NTN1: variants seen among roughly 807,000 people sequenced by gnomAD.
The protein encoded by NTN1 is netrin-1.
NTN1 carries 11 observed loss-of-function variants against 54.2 expected under a neutral mutation model. That is an observed-to-expected ratio of 0.20 (90% CI 0.13 to 0.34). The LOEUF is 0.34. Among genes scored for constraint, NTN1 ranks in the 10% least tolerant of loss-of-function variants. The probability of loss-of-function intolerance (pLI) is 1.00; values close to 1 mark genes in which losing one functional copy is unlikely to be tolerated. For missense variants in NTN1, 740 were observed against 893.1 expected (o/e 0.83, Z 2.18); for synonymous variants, 371 against 382.0 (o/e 0.97, Z 0.33).
At chr17:9,140,434 G>T (rs1014212899) in intron 2 of NTN1, among the ~76,000 whole-genome samples, 8 of 152,210 alleles carry the variant, frequency 5.3e-5, no homozygotes, top group Admixed American at 3.9e-4. Flanking sequence ...ATAAAAAAAT[G>T]CATCTCTGAG....
At chr17:9,228,930 C>G (rs1905697719) in intron 6 of NTN1, among the ~76,000 whole-genome samples, 1 of 69,416 alleles carries the variant, frequency 1.4e-5, no homozygotes, top group Non-Finnish European at 2.7e-5. Flanking sequence ...GCGTGTGTGA[C>G]TGGGTGTGTG....
intron 5 of NTN1, among the ~76,000 whole-genome samples, chr17:9,209,008 A>C (rs888992847): frequency 2.0e-5 from 3 of 151,694 alleles, no homozygotes; most frequent in African/African-American, 7.3e-5. Context: ...TTCACCCTCC[A>C]CTCTCAGCTG....
intron 2 of NTN1, among the ~76,000 whole-genome samples, chr17:9,096,561 C>T (rs1286881721): frequency 1.3e-5 from 2 of 151,904 alleles, no homozygotes; most frequent in South Asian, 2.1e-4. Context: ...TTAGTAGAGA[C>T]GGGGTTTCAC....
chr17:9,115,834 C>T (rs2092210224), intron 2 of NTN1, among the ~76,000 whole-genome samples: 1 of 152,188 alleles, frequency 6.6e-6, no homozygotes, highest in Admixed American at 6.5e-5. Flanking sequence ...GGAGGGCTGG[C>T]GAGGCGGCAG....
intron 5 of NTN1, among the ~76,000 whole-genome samples, chr17:9,206,026 G>A (rs1370681444): frequency 6.6e-6 from 1 of 152,228 alleles, no homozygotes; most frequent in Non-Finnish European, 1.5e-5. Context: ...GGCAGCATCT[G>A]TAGGCTGGGA....
In NTN1 at chr17:9,240,140, T is replaced by C. The variant is rs1048728824; in HGVS notation, c.*172T>C. 62 of 260,176 alleles carry C rather than the reference T, an allele frequency of 2.4e-4. No homozygotes were observed. The highest frequency in any genetic ancestry group is 1.1e-3 in the African/African-American group (50 of 43,492). 16.1% of individuals were successfully genotyped at this position (260,176 alleles called of 1,614,324 possible). On this transcript the variant is annotated 3_prime_UTR_variant, in exon 7 of 7. Transcript: ENST00000173229. ...CGGGACCCTCGGCGGCCCCTCCCCC[T>C]ACCCCCACCCTGCGCGCTCTGGGCG...
At chr17:9,184,455 A>G (rs576456480) in intron 5 of NTN1, among the ~76,000 whole-genome samples, 17 of 152,214 alleles carry the variant, frequency 1.1e-4, no homozygotes, top group Non-Finnish European at 2.4e-4. Flanking sequence ...TCTAGGGGAG[A>G]GCAGTTTTGA....
chr17:9,168,236 A>T (rs2092378102), intron 3 of NTN1, among the ~76,000 whole-genome samples: 1 of 152,212 alleles, frequency 6.6e-6, no homozygotes, highest in Admixed American at 6.5e-5. Context: ...TAAATTTTTT[A>T]AATTTAAAAA....
chr17:9,206,529 C>A (rs1304659598), intron 5 of NTN1, among the ~76,000 whole-genome samples: 3 of 152,118 alleles, frequency 2.0e-5, no homozygotes, highest in African/African-American at 7.2e-5. Flanking sequence ...AGGCTTGCCC[C>A]CTCCCAGAAG....
intron 2 of NTN1, among the ~76,000 whole-genome samples, chr17:9,056,064 A>AT (rs35808249): frequency 0.33 from 48,382 of 146,814 alleles, 8,196 homozygotes; most frequent in East Asian, 0.56. Flanking sequence ...TGCCTGGCTA[A>AT]TTTTTTTTTT....
At chr17:9,007,339 TTCTTTC>T in the NTN1 span, among the ~76,000 whole-genome samples, 3 of 141,514 alleles carry the variant, frequency 2.1e-5, no homozygotes, top group Non-Finnish European at 4.8e-5. Flanking sequence ...CCTTTTTTCT[TTCTTTC>T]TCTTTCTCTC....
chr17:9,230,463 G>A (rs1905769916), intron 6 of NTN1, among the ~76,000 whole-genome samples: 1 of 147,642 alleles, frequency 6.8e-6, no homozygotes, highest in Non-Finnish European at 1.5e-5. Flanking sequence ...CCCCCCGAGT[G>A]CCAGCCCCAT....
chr17:9,016,872 C>T (rs180751076), upstream of NTN1, among the ~76,000 whole-genome samples: 2 of 152,212 alleles, frequency 1.3e-5, no homozygotes, highest in African/African-American at 4.8e-5. Flanking sequence ...TGTCTCATGG[C>T]CTTGCTGGCT....
chr17:9,130,295 C>T (rs1282106302), intron 2 of NTN1, among the ~76,000 whole-genome samples: 1 of 152,136 alleles, frequency 6.6e-6, no homozygotes, highest in African/African-American at 2.4e-5. Flanking sequence ...GTCCCTGCTC[C>T]TCCGCTGTCA....
At position 9,173,034 on chromosome 17, in the gene NTN1, GCTCT is replaced by G. The variant is rs570368727; in HGVS notation, c.1208-6770_1208-6767del. Among the ~76,000 whole-genome samples, 165 of 152,000 alleles carry G rather than the reference GCTCT, an allele frequency of 1.1e-3. 2 individuals carry two copies. The highest frequency in any genetic ancestry group is 6.5e-3 in the Admixed American group (100 of 15,268). ...AATAAGAAGAAACTCCTTCCCTAGG[GCTCT>G]CTGACACTGCGTCTTTGGGCCTCCT... On this transcript the variant is annotated intron_variant, in intron 3 of 6. Transcript: ENST00000173229.
intron 2 of NTN1, among the ~76,000 whole-genome samples, chr17:9,052,482 C>T (rs2091964358): frequency 6.6e-6 from 1 of 152,116 alleles, no homozygotes; most frequent in African/African-American, 2.4e-5. Context: ...AATCGAACAT[C>T]AATAAGTCTG....
intron 2 of NTN1, among the ~76,000 whole-genome samples, chr17:9,064,933 T>C (rs2092010104): frequency 6.6e-6 from 1 of 151,898 alleles, no homozygotes; most frequent in African/African-American, 2.4e-5. Flanking sequence ...TCATTTTATT[T>C]TTATTAATTA....
chr17:9,220,473 G>T lies in NTN1; in HGVS notation c.1412-695G>T, dbSNP rs539842993. 7.4e-4 allele frequency among the ~76,000 whole-genome samples: 113 copies of T among 152,242 alleles called. 1 individual carries two copies. Among genetic ancestry groups the T allele is most frequent in the African/African-American group, 2.5e-3 (104 of 41,526 alleles). On this transcript the variant is annotated intron_variant, in intron 5 of 6. Coordinates refer to ENST00000173229, the MANE Select transcript of NTN1 (RefSeq NM_004822.3). ...CTGAAGTGGGAAGCTGCATTTGGGGGTTGACACAGGCCCAAGGGCTGGCAG... is the reference window on the plus strand; with the variant it reads ...CTGAAGTGGGAAGCTGCATTTGGGGTTTGACACAGGCCCAAGGGCTGGCAG...
intron 2 of NTN1, among the ~76,000 whole-genome samples, chr17:9,039,582 A>C (rs961956273): frequency 6.6e-6 from 1 of 152,180 alleles, no homozygotes; most frequent in African/African-American, 2.4e-5. Flanking sequence ...TTATGTATAC[A>C]CCTGTGAAAC....
Sources: gnomAD v4.1 joint callset for allele counts (sites outside exome capture counted in the v4.1 genomes callset) on GRCh38, gnomAD v4.1.1 for gene constraint, MANE v1.5 for transcripts, NCBI Gene and HGNC (gene_info 2026-07-23, HGNC 2026-07-21) for gene names.